The following CDH22 variants were observed in gnomAD, a reference collection of about 807,000 sequenced individuals.
CDH22 encodes the protein cadherin 22.
Under a neutral mutation model 58.4 loss-of-function variants are expected in CDH22, and 30 were observed. The ratio of observed to expected loss-of-function variants is 0.51; its 90% CI spans 0.38 to 0.70. The LOEUF is 0.70. CDH22 is among the 30% of genes least tolerant of loss of function. The probability of loss-of-function intolerance (pLI) is 0.00; values close to 1 mark genes in which losing one functional copy is unlikely to be tolerated. For synonymous variants in CDH22, 513 were observed against 558.2 expected (o/e 0.92, Z 1.14); for missense variants, 1,014 against 1,233.9 (o/e 0.82, Z 2.67).
Position 46,222,400 on chromosome 20 carries a change from G to A in CDH22, c.670+5108C>T, listed in dbSNP as rs1480619430. ...CTCTGCTGGAGCAGAAGCTCCGTGA[G>A]GGCAGAAACCAGGTCTACTTCATTA... is the stretch of plus-strand genomic sequence containing the variant. On this transcript the variant is annotated intron_variant, in intron 4 of 11. Transcript: ENST00000537909. Among the ~76,000 whole-genome samples, 5 of 152,186 alleles carry A rather than the reference G, an allele frequency of 3.3e-5. No individual in the cohort carries two copies. In the East Asian group the frequency reaches 5.8e-4, roughly 18 times the overall value.
At chr20:46,235,828 C>T (rs2086248136) in intron 3 of CDH22, among the ~76,000 whole-genome samples, 2 of 152,218 alleles carry the variant, frequency 1.3e-5, no homozygotes, top group Admixed American at 6.5e-5. Flanking sequence ...CTACTCCCAA[C>T]CTTGCCTCCT....
chr20:46,197,574 G>A (rs1227844712), intron 8 of CDH22, among the ~76,000 whole-genome samples: 5 of 152,124 alleles, frequency 3.3e-5, no homozygotes, highest in African/African-American at 1.2e-4. Flanking sequence ...CAGCAGCCAG[G>A]CCAGTCCTCC....
chr20:46,186,234 C>A (rs1280674961), intron 10 of CDH22, among the ~76,000 whole-genome samples: 1 of 150,882 alleles, frequency 6.6e-6, no homozygotes, highest in African/African-American at 2.4e-5. Context: ...AAATAAAAAG[C>A]CAGAAACCTG....
At chr20:46,278,578 G>A (rs1418873788) in intron 1 of CDH22, among the ~76,000 whole-genome samples, 1 of 152,018 alleles carries the variant, frequency 6.6e-6, no homozygotes, top group Non-Finnish European at 1.5e-5. Flanking sequence ...TTTTTGTTTT[G>A]TTTTTATTAT....
At chr20:46,256,877 G>A (rs1462037401) in intron 1 of CDH22, among the ~76,000 whole-genome samples, 3 of 152,056 alleles carry the variant, frequency 2.0e-5, no homozygotes, top group Non-Finnish European at 4.4e-5. Context: ...ATGGTGGCAT[G>A]TGCCTGTAGT....
chr20:46,234,502 C>A lies in CDH22; in HGVS notation c.550+6461G>T, dbSNP rs146767914. 7.8e-3 allele frequency among the ~76,000 whole-genome samples: 1,181 copies of A among 152,310 alleles called. 19 individuals carry two copies. The highest frequency in any genetic ancestry group is 0.027 in the Admixed American group (410 of 15,300). On this transcript the variant is annotated intron_variant, in intron 3 of 11. Transcript: ENST00000537909. ...GTGAAAGCAGTGCTTGCTGATAGCTCTTATTTAGTGAATATCCCAAGAAGT... is the reference window on the plus strand; with the variant it reads ...GTGAAAGCAGTGCTTGCTGATAGCTATTATTTAGTGAATATCCCAAGAAGT...
chr20:46,195,229 A>C (rs954111646), intron 8 of CDH22, among the ~76,000 whole-genome samples: 1 of 152,206 alleles, frequency 6.6e-6, no homozygotes, highest in Non-Finnish European at 1.5e-5. Context: ...ATGCAAGCCC[A>C]TTCATTCATC....
At chr20:46,227,064 A>T (rs1359711829) in intron 4 of CDH22, among the ~76,000 whole-genome samples, 1 of 152,210 alleles carries the variant, frequency 6.6e-6, no homozygotes, top group East Asian at 1.9e-4. Context: ...TTTTTCCATC[A>T]GGTCCTTAAC....
chr20:46,297,462 AG>A (rs1164019413), intron 1 of CDH22, among the ~76,000 whole-genome samples: 2 of 151,058 alleles, frequency 1.3e-5, no homozygotes, highest in Non-Finnish European at 3.0e-5. Context: ...GAGCTTTCAC[AG>A]GGGGTGCAGG....
At position 46,174,788 on chromosome 20, in the gene CDH22, C is replaced by T. The variant is rs1197499837; in HGVS notation, c.2205G>A (p.Gln735=). The part of the protein sequence containing the change: ...HLPSERHSLP[Q]GPPSPEPDFS... ...AGTCTGGCTCGGGGCTCGGCGGCCC[C>T]TGCGGCAGCGAGTGGCGCTCGGAGG... is the stretch of plus-strand genomic sequence containing the variant. Residue 735 remains glutamine, a synonymous_variant, in exon 12 of 12, where the codon CAG becomes CAA. Coordinates refer to ENST00000537909, the MANE Select transcript of CDH22 (RefSeq NM_021248.3). This position sits in a 1 kb window ranked among gnomAD's most constrained non-coding sequence, Gnocchi z 4.4. 2.7e-6 allele frequency: 4 copies of T among 1,500,730 alleles called. No individual in the cohort carries two copies. The Admixed American group carries it at 6.4e-5, about 24-fold the overall frequency. The allele number at this position is 1,500,730 out of a possible 1,614,324, so 93.0% of individuals were successfully genotyped here.
At position 46,174,889 on chromosome 20, in the gene CDH22, C is replaced by G. The variant is rs767171662; in HGVS notation, c.2104G>C (p.Gly702Arg). Reference sequence around the variant, plus strand: ...GCTCCCCCGCCCGCGCTGCCGCCCCCGTCGCCGCCCTTGAGCTCGCCGAAG... The same window carrying G: ...GCTCCCCCGCCCGCGCTGCCGCCCCGGTCGCCGCCCTTGAGCTCGCCGAAG... ...YDFGELKGGD[G>R]GGSAGGGAGG... The change falls in exon 12 of 12, where the codon GGG becomes CGG. Residue 702 changes from glycine (G) to arginine (R), a missense_variant. Gly to Arg is a moderately radical substitution (Grantham distance 125, BLOSUM62 -2). Transcript: ENST00000537909. The surrounding 1 kb of genome is among the most constrained non-coding windows in gnomAD (Gnocchi z 4.4). 1.4e-6 allele frequency: 2 copies of G among 1,414,556 alleles called. No individual in the cohort carries two copies. Among genetic ancestry groups the G allele is most frequent in the Non-Finnish European group, 1.9e-6 (2 of 1,080,820 alleles). The allele number at this position is 1,414,556 out of a possible 1,614,324, so 87.6% of individuals were successfully genotyped here. A position where few individuals can be genotyped will look rare whatever the true frequency, so the allele number is the denominator to read the frequency against.
At chr20:46,305,654 G>A (rs1046464908) in intron 1 of CDH22, among the ~76,000 whole-genome samples, 3 of 152,236 alleles carry the variant, frequency 2.0e-5, no homozygotes, top group African/African-American at 7.2e-5. Flanking sequence ...CTCTACCTGA[G>A]GCTGCATTTC....
intron 4 of CDH22, 48 bp downstream of exon 4, chr20:46,227,460 C>A: frequency 1.5e-6 from 2 of 1,318,774 alleles, no homozygotes; most frequent in South Asian, 2.5e-5. Flanking sequence ...CCGCCCCGCC[C>A]CTGGCCCCGC....
chr20:46,219,099 C>T (rs1448150597), intron 4 of CDH22, among the ~76,000 whole-genome samples: 1 of 152,148 alleles, frequency 6.6e-6, no homozygotes, highest in East Asian at 1.9e-4. Flanking sequence ...CTGTGTGTAC[C>T]TGTGGTAGGT....
At chr20:46,246,134 G>A (rs1025049466) in intron 2 of CDH22, among the ~76,000 whole-genome samples, 2 of 152,234 alleles carry the variant, frequency 1.3e-5, no homozygotes, top group Admixed American at 6.5e-5. Flanking sequence ...AAAATTAAAT[G>A]TGAGCATAGG....
At chr20:46,197,300 A>ATATATATATATATATG (rs2085912371) in intron 8 of CDH22, among the ~76,000 whole-genome samples, 1 of 149,114 alleles carries the variant, frequency 6.7e-6, no homozygotes, top group Non-Finnish European at 1.5e-5. Context: ...GCCAGGATAT[A>ATATATATATATATATG]TATATATATA....
intron 10 of CDH22, among the ~76,000 whole-genome samples, chr20:46,184,247 C>T (rs924612638): frequency 5.3e-5 from 8 of 152,030 alleles, no homozygotes; most frequent in African/African-American, 2.4e-5. Context: ...TACAGGCATG[C>T]GCCACCCTGC....
At chr20:46,259,843 C>T (rs2086424173) in intron 1 of CDH22, among the ~76,000 whole-genome samples, 1 of 151,308 alleles carries the variant, frequency 6.6e-6, no homozygotes, top group African/African-American at 2.4e-5. Flanking sequence ...TGGTTGGCAC[C>T]AAAGTTATCA....
At chr20:46,223,717 T>C (rs866763353) in intron 4 of CDH22, among the ~76,000 whole-genome samples, 10,423 of 82,492 alleles carry the variant, frequency 0.13, 418 homozygotes, top group Non-Finnish European at 0.14. Context: ...TTCTTTCTTT[T>C]TCTTTCTTTC....
Sources: allele counts gnomAD v4.1 joint callset (sites outside exome capture counted in the v4.1 genomes callset), GRCh38; gene constraint gnomAD v4.1.1; non-coding constraint Gnocchi (gnomAD v3.1); transcripts MANE v1.5; gene names NCBI Gene and HGNC (gene_info 2026-07-23, HGNC 2026-07-21).